Variants in PSMB3 observed in about 807,000 individuals in gnomAD.
PSMB3 encodes proteasome subunit beta type-3.
In PSMB3, 5 loss-of-function variants were observed where a neutral mutation model predicts 23.3. That is an observed-to-expected ratio of 0.21 (90% CI 0.11 to 0.45). The LOEUF is 0.45. Ranked by LOEUF, PSMB3 falls within the 20% of genes least tolerant of loss-of-function variation. The pLI, the probability that PSMB3 is intolerant of heterozygous loss-of-function variation, is 0.99. For missense variants in PSMB3, 192 were observed against 277.9 expected (o/e 0.69, Z 2.20); for synonymous variants, 85 against 99.8 (o/e 0.85, Z 0.88).
intron 3 of PSMB3, among the ~76,000 whole-genome samples, chr17:38,759,811 T>C (rs1184879124): frequency 6.6e-6 from 1 of 152,150 alleles, no homozygotes; most frequent in African/African-American, 2.4e-5. Flanking sequence ...CCTCCCAAAG[T>C]GCTGAGATTA....
chr17:38,754,091 T>TG (rs57721831), intron 2 of PSMB3, among the ~76,000 whole-genome samples: 122,192 of 152,084 alleles, frequency 0.8, 49,442 homozygotes, highest in East Asian at 0.89. Context: ...AGGGTACTGG[T>TG]GCCTGAGGAG....
At chr17:38,757,630 C>T (rs559963775) in intron 3 of PSMB3, among the ~76,000 whole-genome samples, 4 of 151,730 alleles carry the variant, frequency 2.6e-5, no homozygotes, top group South Asian at 2.1e-4. Flanking sequence ...TCCTGGTCAA[C>T]ATGGTGAAAC....
At chr17:38,762,314 G>C (rs1908476207) in intron 4 of PSMB3, 97 bp from the exon 5 acceptor site, 3 of 1,031,080 alleles carry the variant, frequency 2.9e-6, no homozygotes, top group African/African-American at 1.6e-5. Flanking sequence ...CTTGGGGCCA[G>C]AGCTGGGAAT....
chr17:38,758,863 G>A (rs576755186), intron 3 of PSMB3, among the ~76,000 whole-genome samples: 72 of 152,304 alleles, frequency 4.7e-4, no homozygotes, highest in Non-Finnish European at 9.1e-4. Flanking sequence ...TGGCTAACAC[G>A]GTGAAACCCC....
intron 2 of PSMB3, among the ~76,000 whole-genome samples, chr17:38,754,048 A>G (rs1908052180): frequency 6.6e-6 from 1 of 150,862 alleles, no homozygotes; most frequent in Non-Finnish European, 1.5e-5. Context: ...GGTTTTCAGG[A>G]GGGAATACGT....
At chr17:38,762,147 G>A in intron 4 of PSMB3, 1 of 454,748 alleles carries the variant, frequency 2.2e-6, no homozygotes, top group Non-Finnish European at 3.9e-6. Flanking sequence ...AGTGAAGAGA[G>A]ACATACTATT....
chr17:38,758,562 G>C (rs1908307119), intron 3 of PSMB3, among the ~76,000 whole-genome samples: 1 of 152,050 alleles, frequency 6.6e-6, no homozygotes, highest in African/African-American at 2.4e-5. Context: ...GGTTGGTCTT[G>C]AATGCCTAGG....
chr17:38,761,599 A>G (rs981664507), intron 4 of PSMB3, among the ~76,000 whole-genome samples: 4 of 152,146 alleles, frequency 2.6e-5, no homozygotes, highest in Admixed American at 1.3e-4. Flanking sequence ...AGAGGAGGAA[A>G]GAAAGGGTCT....
At chr17:38,758,529 CAG>C (rs1438116171) in intron 3 of PSMB3, among the ~76,000 whole-genome samples, 9 of 151,876 alleles carry the variant, frequency 5.9e-5, no homozygotes, top group Admixed American at 4.6e-4. Context: ...TTTGTAGAGA[CAG>C]GGGTCTCACT....
intron 3 of PSMB3, among the ~76,000 whole-genome samples, chr17:38,757,815 C>T (rs1908269460): frequency 6.6e-6 from 1 of 152,010 alleles, no homozygotes; most frequent in Non-Finnish European, 1.5e-5. Context: ...GCCACTGCAC[C>T]TGGCTAATTT....
rs748092554 is a variant in PSMB3, at chr17:38,764,216, C to A, written c.*49C>A. 12 of 1,562,232 alleles carry A rather than the reference C, an allele frequency of 7.7e-6. No homozygotes were observed. The South Asian group carries it at 1.4e-4, about 18-fold the overall frequency. ...TTTTCTTTTTTTGAAATAAAATAGCCTGTCTTTCACTCCTGCTTTTGTCTT... is the reference window on the plus strand; with the variant it reads ...TTTTCTTTTTTTGAAATAAAATAGCATGTCTTTCACTCCTGCTTTTGTCTT... On this transcript the variant is annotated 3_prime_UTR_variant, in exon 6 of 6. Transcript: ENST00000619426.
intron 2 of PSMB3, 86 bp from the exon 3 acceptor site, chr17:38,755,797 T>A (rs958919849): frequency 9.6e-6 from 11 of 1,140,752 alleles, no homozygotes; most frequent in Non-Finnish European, 1.3e-5. Flanking sequence ...AGATGAGATG[T>A]CTCCTTATGT....
intron 3 of PSMB3, among the ~76,000 whole-genome samples, chr17:38,757,659 G>A (rs771469139): frequency 4.7e-5 from 7 of 149,928 alleles, no homozygotes; most frequent in South Asian, 2.2e-4. Context: ...TAATAAAAAT[G>A]CAAAAATTAG....
At chr17:38,754,004 C>T (rs1199483185) in intron 2 of PSMB3, among the ~76,000 whole-genome samples, 2 of 152,066 alleles carry the variant, frequency 1.3e-5, no homozygotes, top group Admixed American at 1.3e-4. Flanking sequence ...GAAGAGAAGC[C>T]AGAGAAGAAT....
chr17:38,760,366 A>T lies in PSMB3; in HGVS notation c.297-65A>T, dbSNP rs914029059. The T allele has an allele frequency of 4.3e-5, 67 of 1,558,690 alleles. No individual in the cohort carries two copies. The South Asian group carries it at 6.9e-4, about 16-fold the overall frequency. Reference sequence around the variant, plus strand: ...GTCTAGGCCGGGGCCTTGTCTGAATAGGCTTAAACATGAAAGCGAGCGTTC... The same window carrying T: ...GTCTAGGCCGGGGCCTTGTCTGAATTGGCTTAAACATGAAAGCGAGCGTTC... On this transcript the variant is annotated intron_variant, in intron 3 of 5. Transcript: ENST00000619426.
At chr17:38,757,185 GT>G (rs1258522252) in intron 3 of PSMB3, among the ~76,000 whole-genome samples, 1 of 150,560 alleles carries the variant, frequency 6.6e-6, no homozygotes, top group Non-Finnish European at 1.5e-5. Flanking sequence ...CCTGCAAAAA[GT>G]CTTATAAAGT....
At chr17:38,754,392 C>A (rs1355195020) in intron 2 of PSMB3, among the ~76,000 whole-genome samples, 1 of 152,188 alleles carries the variant, frequency 6.6e-6, no homozygotes, top group African/African-American at 2.4e-5. Context: ...ATTGCTTGAA[C>A]CTGACAGACG....
intron 4 of PSMB3, among the ~76,000 whole-genome samples, chr17:38,761,393 T>C (rs893489927): frequency 6.8e-6 from 1 of 148,022 alleles, no homozygotes; most frequent in African/African-American, 2.5e-5. Context: ...CAAATGAGTA[T>C]ATGTGCTGCC....
At chr17:38,761,606 G>A (rs1448649702) in intron 4 of PSMB3, among the ~76,000 whole-genome samples, 1 of 152,116 alleles carries the variant, frequency 6.6e-6, no homozygotes, top group Non-Finnish European at 1.5e-5. Flanking sequence ...GAAAGAAAGG[G>A]TCTGGGGGCA....
Sources: allele counts gnomAD v4.1 joint callset (sites outside exome capture counted in the v4.1 genomes callset), GRCh38; gene constraint gnomAD v4.1.1; transcripts MANE v1.5; gene names NCBI Gene and HGNC (gene_info 2026-07-23, HGNC 2026-07-21).